CCDC12: variants seen among roughly 807,000 people sequenced by gnomAD.
CCDC12 encodes the protein coiled-coil domain containing 12.
In CCDC12, 28 loss-of-function variants were observed where a neutral mutation model predicts 25.7. That is an observed-to-expected ratio of 1.09 (90% confidence interval 0.81 to 1.50). CCDC12 has a LOEUF of 1.50. CCDC12 is among the 40% of genes most tolerant of loss of function. The pLI is 0.00. For synonymous variants in CCDC12, 75 were observed against 87.7 expected, an observed-to-expected ratio of 0.86 and a Z score of 0.81; for missense variants, 198 against 210.0, an observed-to-expected ratio of 0.94 and a Z score of 0.35.
At chr3:46,963,773 G>A (rs1295028031) in intron 1 of CCDC12, among the ~76,000 whole-genome samples, 1 of 152,366 alleles carries the variant, frequency 6.6e-6, no homozygotes, top group South Asian at 2.1e-4. Context: ...TGGTGCCCAG[G>A]CTGGAGTGCA....
chr3:46,968,096 G>GATA (rs1300910511), intron 1 of CCDC12, among the ~76,000 whole-genome samples: 1 of 152,152 alleles, frequency 6.6e-6, no homozygotes, highest in African/African-American at 2.4e-5. Context: ...GCTCACCATA[G>GATA]GTATGTGTTG....
In CCDC12 at chr3:46,976,688, C is replaced by G. The variant is rs774425119; in HGVS notation, c.45G>C (p.Ala15=). The G allele has an allele frequency of 6.2e-7, 1 of 1,608,308 alleles. No individual in the cohort carries two copies. Among genetic ancestry groups the G allele is most frequent in the Non-Finnish European group, 8.5e-7 (1 of 1,177,494 alleles). ...TAGVGRLEEE[A]LRRKERLKAL... ...CCTTCAGCCGTTCCTTTCGCCGCAACGCCTCTTCCTCTAGCCGGCCCACAC... is the reference window on the plus strand; with the variant it reads ...CCTTCAGCCGTTCCTTTCGCCGCAAGGCCTCTTCCTCTAGCCGGCCCACAC... The change falls in exon 1 of 7, where the codon GCG becomes GCC. Residue 15 remains alanine, a synonymous_variant. Coordinates refer to ENST00000683445, the MANE Select transcript of CCDC12 (RefSeq NM_001277074.2).
chr3:46,936,134 T>A (rs1180921227), intron 2 of CCDC12, among the ~76,000 whole-genome samples: 1 of 152,204 alleles, frequency 6.6e-6, no homozygotes, highest in Non-Finnish European at 1.5e-5. Context: ...CCACAAACCC[T>A]GGCCCTACAG....
chr3:46,929,999 C>T (rs866599036), intron 2 of CCDC12, among the ~76,000 whole-genome samples: 4 of 138,162 alleles, frequency 2.9e-5, no homozygotes, highest in Non-Finnish European at 4.6e-5. Context: ...CCACTGCACT[C>T]CAGCCTGGGC....
Position 46,921,852 on chromosome 3 carries a change from T to C in CCDC12, c.*205A>G. The C allele has an allele frequency of 1.7e-6, 1 of 603,254 alleles. No individual in the cohort carries two copies. The highest frequency in any genetic ancestry group is 2.0e-5 in the South Asian group (1 of 50,474). The allele number at this position is 603,254 out of a possible 1,614,324, so 37.4% of individuals were successfully genotyped here. A position where few individuals can be genotyped will look rare whatever the true frequency, so the allele number is the denominator to read the frequency against. On this transcript the variant is annotated 3_prime_UTR_variant, in exon 7 of 7. Transcript: ENST00000683445. ...CAGACACAGGCACGCCCAGAGTTGT[T>C]GCTGGTTCTGCCTCCATTCAGAATG...
At chr3:46,966,426 C>T (rs2034641901) in intron 1 of CCDC12, among the ~76,000 whole-genome samples, 2 of 151,816 alleles carry the variant, frequency 1.3e-5, no homozygotes, top group Admixed American at 6.6e-5. Context: ...GGCAGGAGAA[C>T]GGCTTGAGCA....
chr3:46,971,790 C>A (rs1313394044), intron 1 of CCDC12, among the ~76,000 whole-genome samples: 1 of 152,174 alleles, frequency 6.6e-6, no homozygotes, highest in Non-Finnish European at 1.5e-5. Context: ...AGCAAGATGC[C>A]ATCCTCATGG....
intron 2 of CCDC12, 25 bp downstream of exon 2, chr3:46,940,973 C>T (rs772041093): frequency 3.7e-5 from 59 of 1,611,624 alleles, no homozygotes; most frequent in Admixed American, 1.0e-4. Context: ...AGAGAGCAGA[C>T]CCTGGAGCTG....
At chr3:46,939,578 G>A (rs2033610918) in intron 2 of CCDC12, among the ~76,000 whole-genome samples, 1 of 152,158 alleles carries the variant, frequency 6.6e-6, no homozygotes, top group Non-Finnish European at 1.5e-5. Context: ...CAACTAACTG[G>A]CCTTCATCTT....
chr3:46,979,133 G>T (rs2035126171), upstream of CCDC12, among the ~76,000 whole-genome samples: 1 of 152,202 alleles, frequency 6.6e-6, no homozygotes, highest in Admixed American at 6.5e-5. Context: ...GAGGGAGGGG[G>T]ACCCGTGGCA....
At chr3:46,924,743 G>A (rs1308360522) in intron 3 of CCDC12, among the ~76,000 whole-genome samples, 1 of 152,212 alleles carries the variant, frequency 6.6e-6, no homozygotes, top group African/African-American at 2.4e-5. Flanking sequence ...AGCTACTCAG[G>A]AGGCTGAGGT....
At chr3:46,944,504 C>T (rs1161995409) in intron 1 of CCDC12, among the ~76,000 whole-genome samples, 2 of 152,096 alleles carry the variant, frequency 1.3e-5, no homozygotes, top group Non-Finnish European at 2.9e-5. Flanking sequence ...TTTAGAGACA[C>T]TTCGCTCACC....
intron 2 of CCDC12, among the ~76,000 whole-genome samples, chr3:46,925,873 A>G (rs2032936385): frequency 6.6e-6 from 1 of 152,242 alleles, no homozygotes; most frequent in African/African-American, 2.4e-5. Flanking sequence ...TGGAGGTCAG[A>G]GAGACTGTAC....
chr3:46,968,980 C>A (rs1201522068), intron 1 of CCDC12, among the ~76,000 whole-genome samples: 1 of 152,190 alleles, frequency 6.6e-6, no homozygotes, highest in Non-Finnish European at 1.5e-5. Flanking sequence ...TGCCAACCTG[C>A]CAAAAGCTGT....
chr3:46,958,844 A>G (rs1225451950), intron 1 of CCDC12, among the ~76,000 whole-genome samples: 1 of 152,174 alleles, frequency 6.6e-6, no homozygotes. Flanking sequence ...CCATCTCTCC[A>G]TTCCCTCCAT....
intron 1 of CCDC12, among the ~76,000 whole-genome samples, chr3:46,952,270 G>A (rs2034152983): frequency 6.6e-6 from 1 of 152,144 alleles, no homozygotes. Flanking sequence ...TCTGTTGTGT[G>A]AGCCTTCCAA....
chr3:46,940,913 G>A, intron 2 of CCDC12, 85 bp downstream of exon 2: 2 of 1,321,654 alleles, frequency 1.5e-6, no homozygotes, highest in Admixed American at 3.4e-5. Flanking sequence ...GGCAGACACT[G>A]AACAGAGTTG....
intron 2 of CCDC12, among the ~76,000 whole-genome samples, chr3:46,933,543 A>G (rs1322573709): frequency 2.0e-5 from 3 of 152,262 alleles, no homozygotes; most frequent in Non-Finnish European, 4.4e-5. Flanking sequence ...TGGAGCTGCC[A>G]TCGCATCTGC....
At chr3:46,960,233 C>CA (rs2034422421) in intron 1 of CCDC12, among the ~76,000 whole-genome samples, 1 of 152,122 alleles carries the variant, frequency 6.6e-6, no homozygotes, top group African/African-American at 2.4e-5. Flanking sequence ...GCTCTGTGCA[C>CA]AGAGAGGCCT....
Sources: allele counts gnomAD v4.1 joint callset (sites outside exome capture counted in the v4.1 genomes callset), GRCh38; gene constraint gnomAD v4.1.1; transcripts MANE v1.5; gene names NCBI Gene and HGNC (gene_info 2026-07-23, HGNC 2026-07-21).